The following XKR6 variants were observed in gnomAD, a reference collection of about 807,000 sequenced individuals.
The protein encoded by XKR6 is XK-related protein 6.
In XKR6, 22 loss-of-function variants were observed where a neutral mutation model predicts 56.7. The observed-to-expected ratio is 0.39, with a 90% confidence interval of 0.28 to 0.55. The LOEUF (loss-of-function observed/expected upper bound fraction) is 0.55, where lower values mean the gene tolerates loss of function less well. XKR6 is among the 20% of genes least tolerant of loss of function. The probability of loss-of-function intolerance (pLI) is 0.66; values close to 1 mark genes in which losing one functional copy is unlikely to be tolerated. For missense variants in XKR6, 852 were observed against 889.0 expected, an observed-to-expected ratio of 0.96 and a Z score of 0.53; for synonymous variants, 524 against 387.8, an observed-to-expected ratio of 1.35 and a Z score of -4.13.
At chr8:11,079,368 C>G (rs1317063297) in intron 1 of XKR6, among the ~76,000 whole-genome samples, 5 of 152,208 alleles carry the variant, frequency 3.3e-5, no homozygotes, top group South Asian at 2.1e-4. Flanking sequence ...AATAAAGAAG[C>G]AGAATTCTAT....
chr8:10,978,150 C>G (rs1196637219), intron 1 of XKR6, among the ~76,000 whole-genome samples: 1 of 152,128 alleles, frequency 6.6e-6, no homozygotes, highest in Non-Finnish European at 1.5e-5. Context: ...CCTAGCCCCA[C>G]CCCCATTACC....
Position 10,959,210 on chromosome 8 carries a change from C to T in XKR6, c.765-34380G>A, listed in dbSNP as rs756020807. Among the ~76,000 whole-genome samples the T allele has an allele frequency of 1.1e-4, 17 of 152,298 alleles. No individual in the cohort carries two copies. The East Asian group carries it at 2.5e-3, about 23-fold the overall frequency. On this transcript the variant is annotated intron_variant, in intron 1 of 2. Coordinates refer to ENST00000416569, the MANE Select transcript of XKR6 (RefSeq NM_173683.4). Reference sequence around the variant, plus strand: ...GGATCTCTCCAGTGTCCCTCCCTCCCCACTCTATGGTGAGGCCTGGCCTGG... The same window carrying T: ...GGATCTCTCCAGTGTCCCTCCCTCCTCACTCTATGGTGAGGCCTGGCCTGG...
intron 1 of XKR6, among the ~76,000 whole-genome samples, chr8:10,967,767 C>G (rs1802270142): frequency 6.6e-6 from 1 of 152,212 alleles, no homozygotes; most frequent in African/African-American, 2.4e-5. Context: ...TGGAGCTGGT[C>G]TCTGCATTTG....
chr8:11,155,060 G>A (rs1316930614), intron 1 of XKR6, among the ~76,000 whole-genome samples: 1 of 152,128 alleles, frequency 6.6e-6, no homozygotes, highest in Non-Finnish European at 1.5e-5. Flanking sequence ...CAATATTTTG[G>A]CCAGAACCAT....
intron 1 of XKR6, among the ~76,000 whole-genome samples, chr8:10,951,534 C>T (rs1020908647): frequency 6.6e-6 from 1 of 152,230 alleles, no homozygotes. Flanking sequence ...TTTCACACTG[C>T]GTGGCTTCTT....
intron 1 of XKR6, among the ~76,000 whole-genome samples, chr8:11,188,692 CT>C (rs1361984246): frequency 1.3e-5 from 2 of 152,156 alleles, no homozygotes; most frequent in Non-Finnish European, 2.9e-5. Context: ...CAAAAGCTGT[CT>C]TCCTTATGAC....
At chr8:11,049,197 A>C (rs1799482921) in intron 1 of XKR6, among the ~76,000 whole-genome samples, 1 of 152,202 alleles carries the variant, frequency 6.6e-6, no homozygotes, top group Non-Finnish European at 1.5e-5. Flanking sequence ...TTCTCGGAAA[A>C]GGCACCTGGG....
At chr8:11,019,748 C>A (rs35315747) in intron 1 of XKR6, among the ~76,000 whole-genome samples, 43,157 of 152,120 alleles carry the variant, frequency 0.28, 7,760 homozygotes, top group East Asian at 0.65. Context: ...CAGAGGCTAA[C>A]ACGGTTAATT....
intron 1 of XKR6, among the ~76,000 whole-genome samples, chr8:10,936,914 G>T (rs1323728899): frequency 0.068 from 932 of 13,670 alleles, no homozygotes; most frequent in Non-Finnish European, 0.11. Context: ...TCTTTGTGGC[G>T]TTCTCTGTAT....
intron 1 of XKR6, among the ~76,000 whole-genome samples, chr8:11,192,665 T>C (rs1803644754): frequency 1.3e-5 from 2 of 152,296 alleles, no homozygotes. Flanking sequence ...GTGTTCATTA[T>C]ACTGCTCTAT....
intron 1 of XKR6, among the ~76,000 whole-genome samples, chr8:11,049,143 T>C (rs943459541): frequency 1.3e-5 from 2 of 152,210 alleles, no homozygotes; most frequent in African/African-American, 2.4e-5. Context: ...CAGGAGCCCA[T>C]TGGAATGGAT....
intron 1 of XKR6, among the ~76,000 whole-genome samples, chr8:10,955,323 C>A (rs976873065): frequency 6.6e-6 from 1 of 152,172 alleles, no homozygotes; most frequent in Non-Finnish European, 1.5e-5. Context: ...TAGGTGTGTG[C>A]CGACATGCCC....
intron 1 of XKR6, among the ~76,000 whole-genome samples, chr8:10,955,924 T>C (rs114945760): frequency 2.0e-5 from 3 of 152,228 alleles, no homozygotes; most frequent in Non-Finnish European, 4.4e-5. Flanking sequence ...CATGGGGCGA[T>C]TCCTTGTTGC....
intron 1 of XKR6, among the ~76,000 whole-genome samples, chr8:10,968,615 C>G (rs1170076098): frequency 6.6e-6 from 1 of 152,234 alleles, no homozygotes; most frequent in African/African-American, 2.4e-5. Context: ...CACACTCTGC[C>G]CACCACTGTA....
chr8:11,150,768 G>A (rs1289763334), intron 1 of XKR6, among the ~76,000 whole-genome samples: 3 of 148,096 alleles, frequency 2.0e-5, no homozygotes, highest in East Asian at 2.0e-4. Flanking sequence ...TAGAAGAGTC[G>A]CTTGAGGCCG....
At chr8:11,045,876 A>T (rs1309142826) in intron 1 of XKR6, among the ~76,000 whole-genome samples, 1 of 152,252 alleles carries the variant, frequency 6.6e-6, no homozygotes. Flanking sequence ...AAAGAAAAAG[A>T]AAAGAGACAA....
intron 1 of XKR6, among the ~76,000 whole-genome samples, chr8:11,191,033 C>T (rs1225321691): frequency 6.6e-6 from 1 of 152,196 alleles, no homozygotes; most frequent in African/African-American, 2.4e-5. Context: ...AAGTATCACA[C>T]ACATGTCCTC....
chr8:10,966,800 G>A (rs1283075835), intron 1 of XKR6, among the ~76,000 whole-genome samples: 1 of 152,176 alleles, frequency 6.6e-6, no homozygotes, highest in Non-Finnish European at 1.5e-5. Context: ...ACCCTCCAGG[G>A]GATCCTGGGG....
chr8:10,987,603 C>A (rs957055964), intron 1 of XKR6, among the ~76,000 whole-genome samples: 1 of 152,196 alleles, frequency 6.6e-6, no homozygotes, highest in African/African-American at 2.4e-5. Flanking sequence ...CCCCACATTC[C>A]CACAGTGTAT....
Sources: allele counts gnomAD v4.1 joint callset (sites outside exome capture counted in the v4.1 genomes callset), GRCh38; gene constraint gnomAD v4.1.1; transcripts MANE v1.5; gene names NCBI Gene and HGNC (gene_info 2026-07-23, HGNC 2026-07-21).